ASXL2: variants seen among roughly 807,000 people sequenced by gnomAD.
The protein encoded by ASXL2 is putative Polycomb group protein ASXL2.
In ASXL2, 23 loss-of-function variants were observed where a neutral mutation model predicts 122.0. The observed-to-expected ratio is 0.19, with a 90% CI of 0.14 to 0.27. The LOEUF (loss-of-function observed/expected upper bound fraction) is 0.27, where lower values mean the gene tolerates loss of function less well. ASXL2 is among the 10% of genes least tolerant of loss of function. The probability of loss-of-function intolerance (pLI) is 1.00; values close to 1 mark genes in which losing one functional copy is unlikely to be tolerated. For missense variants in ASXL2, 1,518 were observed against 1,713.8 expected (o/e 0.89, Z 2.02); for synonymous variants, 650 against 637.0 (o/e 1.02, Z -0.31).
rs996436134 is a variant in ASXL2, at chr2:25,742,269, A to G, written c.4068T>C (p.Asp1356=). 2 of 1,613,866 alleles carry G rather than the reference A, an allele frequency of 1.2e-6. No individual in the cohort carries two copies. Among genetic ancestry groups the G allele is most frequent in the Admixed American group, 1.7e-5 (1 of 60,002 alleles). ...PGSQVSSNVG[D]VMSFSVTVTT... The stretch of plus-strand genomic sequence containing the variant: ...TGACAGTCACTGAAAATGACATGAC[A>G]TCACCTACATTGCTAGATACCTGGC... Residue 1356 remains aspartate, a synonymous_variant, in exon 13 of 13, where the codon GAT becomes GAC. Transcript: ENST00000435504.
intron 1 of ASXL2, among the ~76,000 whole-genome samples, chr2:25,851,665 A>G (rs991976374): frequency 6.6e-6 from 1 of 152,184 alleles, no homozygotes; most frequent in African/African-American, 2.4e-5. Flanking sequence ...CACATAAGAA[A>G]AAGTGCATGG....
rs2088012386 is a variant in ASXL2 at position 25,749,923 on chromosome 2, C to A, written c.1633G>T (p.Gly545Cys). The A allele has an allele frequency of 1.2e-6, 2 of 1,613,758 alleles. No individual in the cohort carries two copies. Among genetic ancestry groups the A allele is most frequent in the African/African-American group, 2.7e-5 (2 of 74,856 alleles). ...KPIVKPTAGAGPQETNMKEPL... is the reference protein window; with the variant it reads ...KPIVKPTAGACPQETNMKEPL... Reference sequence around the variant, plus strand: ...TCTTTCATATTAGTCTCCTGTGGACCCGCTCCTGCTGTGGGCTTCACTATT... The same window carrying A: ...TCTTTCATATTAGTCTCCTGTGGACACGCTCCTGCTGTGGGCTTCACTATT... Residue 545 changes from glycine to cysteine, a missense_variant, in exon 12 of 13, where the codon GGT (glycine) becomes TGT (cysteine). By Grantham distance (159) the Gly-to-Cys change is radical. Around this residue, in one of 8 missense-constraint regions of ASXL2, gnomAD observed 292 missense variants for 293.5 expected, o/e 1.00. Transcript: ENST00000435504.
intron 12 of ASXL2, among the ~76,000 whole-genome samples, chr2:25,746,235 T>C (rs895844159): frequency 1.3e-5 from 2 of 152,192 alleles, no homozygotes; most frequent in African/African-American, 4.8e-5. Flanking sequence ...GCAATACTCA[T>C]TTCTCAAAAG....
At chr2:25,781,231 T>G (rs2088631231) in intron 5 of ASXL2, among the ~76,000 whole-genome samples, 1 of 151,662 alleles carries the variant, frequency 6.6e-6, no homozygotes, top group Non-Finnish European at 1.5e-5. Flanking sequence ...ATTTTGCACA[T>G]ATCTTAAAAA....
At chr2:25,869,253 C>T (rs2089939982) in intron 1 of ASXL2, among the ~76,000 whole-genome samples, 1 of 151,850 alleles carries the variant, frequency 6.6e-6, no homozygotes, top group Non-Finnish European at 1.5e-5. Flanking sequence ...ATCACCTGAG[C>T]CTGGGAGGTC....
intron 5 of ASXL2, among the ~76,000 whole-genome samples, chr2:25,790,946 G>A (rs1246453668): frequency 1.3e-5 from 2 of 151,754 alleles, no homozygotes; most frequent in East Asian, 3.9e-4. Context: ...TGGGACTACG[G>A]GTGTGCACCA....
intron 3 of ASXL2, among the ~76,000 whole-genome samples, chr2:25,832,810 T>C (rs765966829): frequency 2.6e-5 from 4 of 152,160 alleles, no homozygotes; most frequent in South Asian, 2.1e-4. Context: ...GGATAAACAG[T>C]TAGAAACGGT....
chr2:25,878,373 CG>C lies in ASXL2; in HGVS notation c.-152del. 3.1e-6 allele frequency: 2 copies of C among 635,832 alleles called. No homozygotes were observed. Among genetic ancestry groups the C allele is most frequent in the East Asian group, 3.0e-5 (1 of 33,044 alleles). 39.4% of individuals were successfully genotyped at this position (635,832 alleles called of 1,614,324 possible). A position where few individuals can be genotyped will look rare whatever the true frequency, so the allele number is the denominator to read the frequency against. On this transcript the variant is annotated 5_prime_UTR_variant, in exon 1 of 13. The change abolishes the stop of an existing upstream ORF in the 5' untranslated region. Transcript: ENST00000435504. Reference sequence around the variant, plus strand: ...GGGGGCACCCAAGCAGAGGAAGCGGCGGGGGTGGTGCGCGGGGGGGTCTATG... The same window carrying C: ...GGGGGCACCCAAGCAGAGGAAGCGGCGGGGTGGTGCGCGGGGGGGTCTATG...
At position 25,875,418 on chromosome 2, in the gene ASXL2, C is replaced by T. The variant is rs538041158; in HGVS notation, c.57+2748G>A. ...AGAAGTTCAAGGCTTTAGTGCACCACGATCATACCTGTGAAGCCACTGCAC... is the reference window on the plus strand; with the variant it reads ...AGAAGTTCAAGGCTTTAGTGCACCATGATCATACCTGTGAAGCCACTGCAC... On this transcript the variant is annotated intron_variant, in intron 1 of 12. Transcript: ENST00000435504. Among the ~76,000 whole-genome samples, 3 of 152,152 alleles carry T rather than the reference C, an allele frequency of 2.0e-5. No homozygotes were observed. In the South Asian group the frequency reaches 6.2e-4, roughly 32 times the overall value.
intron 2 of ASXL2, among the ~76,000 whole-genome samples, chr2:25,842,036 C>T (rs1444876475): frequency 1.3e-5 from 2 of 150,886 alleles, no homozygotes; most frequent in African/African-American, 4.9e-5. Context: ...CACTTGAACC[C>T]GGGAGAAAGA....
intron 5 of ASXL2, among the ~76,000 whole-genome samples, chr2:25,785,975 C>T (rs570873862): frequency 3.9e-5 from 6 of 152,232 alleles, no homozygotes; most frequent in African/African-American, 9.6e-5. Flanking sequence ...TAGAGTTAAA[C>T]GCAAACTATG....
At chr2:25,802,928 C>T (rs563768238) in intron 4 of ASXL2, among the ~76,000 whole-genome samples, 17 of 152,190 alleles carry the variant, frequency 1.1e-4, no homozygotes, top group African/African-American at 3.6e-4. Context: ...GTCAGGGGTT[C>T]GAGACCAGCC....
intron 1 of ASXL2, among the ~76,000 whole-genome samples, chr2:25,873,748 TA>T (rs1283203562): frequency 3.3e-5 from 5 of 151,846 alleles, no homozygotes; most frequent in Admixed American, 2.0e-4. Flanking sequence ...TTGTTTCTCA[TA>T]TTTTTTTTTT....
At chr2:25,849,185 C>T (rs2089688589) in intron 1 of ASXL2, among the ~76,000 whole-genome samples, 1 of 148,888 alleles carries the variant, frequency 6.7e-6, no homozygotes, top group Non-Finnish European at 1.5e-5. Context: ...CACCTGTAAT[C>T]CCAGCACTTT....
rs2087690958 is a variant in ASXL2, at chr2:25,734,047, T to G, written c.*7982A>C. ...GAAGGGTGCAATGCAGTCACAGAATTAAGACAGGTTTTTTTTTTTTAAAAA... is the reference window on the plus strand; with the variant it reads ...GAAGGGTGCAATGCAGTCACAGAATGAAGACAGGTTTTTTTTTTTTAAAAA... On this transcript the variant is annotated 3_prime_UTR_variant, in exon 13 of 13. Coordinates refer to ENST00000435504, the MANE Select transcript of ASXL2 (RefSeq NM_018263.6). The G allele has an allele frequency of 6.9e-6, 1 of 144,848 alleles. No homozygotes were observed. Among genetic ancestry groups the G allele is most frequent in the African/African-American group, 2.6e-5 (1 of 38,078 alleles). The allele number at this position is 144,848 out of a possible 1,614,324, so 9.0% of individuals were successfully genotyped here.
Position 25,878,364 on chromosome 2 carries a change from A to G in ASXL2, c.-142T>C. On this transcript the variant is annotated 5_prime_UTR_variant, in exon 1 of 13. Coordinates refer to ENST00000435504, the MANE Select transcript of ASXL2 (RefSeq NM_018263.6). ...TCAGACCGGGGGGGCACCCAAGCAG[A>G]GGAAGCGGCGGGGGTGGTGCGCGGG... 17 of 619,196 alleles carry G rather than the reference A, an allele frequency of 2.7e-5. No individual in the cohort carries two copies. The highest frequency in any genetic ancestry group is 1.1e-4 in the East Asian group (3 of 28,412). 38.4% of individuals were successfully genotyped at this position (619,196 alleles called of 1,614,324 possible).
chr2:25,808,494 G>A (rs919329513), intron 3 of ASXL2, among the ~76,000 whole-genome samples: 1 of 152,042 alleles, frequency 6.6e-6, no homozygotes, highest in African/African-American at 2.4e-5. Flanking sequence ...ACCACACCCT[G>A]GTAATTTTTG....
In ASXL2 at chr2:25,806,302, A is replaced by G; in HGVS notation, c.179T>C (p.Leu60Pro). ...TSPLACLNAM[L>P]HTNSRGEEGI... The stretch of plus-strand genomic sequence containing the variant: ...CTCTTCACCTCTGGAGTTTGTGTGA[A>G]GCATTGCATTCAGGCATGCAAGAGG... Residue 60 changes from leucine (L) to proline (P), a missense_variant, in exon 4 of 13, where the codon CTT (leucine) becomes CCT (proline). Physicochemically the swap from Leu to Pro is moderately conservative, Grantham distance 98. This residue lies in a region of ASXL2 where 12 missense variants were observed against 60.0 expected (regional missense o/e 0.20). Transcript: ENST00000435504. The G allele has an allele frequency of 6.2e-7, 1 of 1,613,428 alleles. No individual in the cohort carries two copies. Among genetic ancestry groups the G allele is most frequent in the Non-Finnish European group, 8.5e-7 (1 of 1,179,628 alleles).
chr2:25,847,614 C>T (rs1045779671), intron 1 of ASXL2, among the ~76,000 whole-genome samples: 1 of 152,158 alleles, frequency 6.6e-6, no homozygotes, highest in African/African-American at 2.4e-5. Context: ...ATACAGAAAA[C>T]TTCTATTTAT....
Sources: gnomAD v4.1 joint callset for allele counts (sites outside exome capture counted in the v4.1 genomes callset) on GRCh38, gnomAD v4.1.1 for gene constraint, gnomAD v4.1.1 regional missense constraint, MANE v1.5 for transcripts, NCBI Gene and HGNC (gene_info 2026-07-23, HGNC 2026-07-21) for gene names.